Variants in SIPA1L1 observed in about 807,000 individuals in gnomAD.
SIPA1L1 encodes the protein signal induced proliferation associated 1 like 1.
In SIPA1L1, 26 loss-of-function variants were observed where a neutral mutation model predicts 162.7. The ratio of observed to expected loss-of-function variants is 0.16; its 90% CI spans 0.12 to 0.22. The LOEUF is 0.22. Ranked by LOEUF, SIPA1L1 falls within the 10% of genes least tolerant of loss-of-function variation. The pLI, the probability that SIPA1L1 is intolerant of heterozygous loss-of-function variation, is 1.00. For missense variants in SIPA1L1, 1,874 were observed against 2,241.0 expected (o/e 0.84, Z 3.31); for synonymous variants, 829 against 837.4 (o/e 0.99, Z 0.17).
At chr14:71,573,015 A>T (rs1169294281) in intron 4 of SIPA1L1, among the ~76,000 whole-genome samples, 1 of 152,232 alleles carries the variant, frequency 6.6e-6, no homozygotes, top group Non-Finnish European at 1.5e-5. Flanking sequence ...TTACTACGTA[A>T]GATTGACAAA....
chr14:71,685,224 C>T, intron 12 of SIPA1L1, 138 bp from the exon 13 acceptor site: 1 of 927,798 alleles, frequency 1.1e-6, no homozygotes. Context: ...AGTACTAGGG[C>T]CCAAAGATTG....
intron 2 of SIPA1L1, among the ~76,000 whole-genome samples, chr14:71,435,344 G>A (rs2044293474): frequency 1.3e-5 from 2 of 152,028 alleles, no homozygotes; most frequent in East Asian, 3.9e-4. Context: ...CCCCACGACA[G>A]GCCCCGGTGT....
At chr14:71,572,410 A>C (rs2032251508) in intron 4 of SIPA1L1, among the ~76,000 whole-genome samples, 1 of 152,226 alleles carries the variant, frequency 6.6e-6, no homozygotes, top group Non-Finnish European at 1.5e-5. Context: ...GCTAAGACTC[A>C]AAGCTTTTAC....
intron 2 of SIPA1L1, among the ~76,000 whole-genome samples, chr14:71,495,952 C>T (rs1294564886): frequency 2.8e-5 from 4 of 145,236 alleles, no homozygotes; most frequent in Non-Finnish European, 6.0e-5. Flanking sequence ...GGTTTAATGG[C>T]ATGTGCCTGT....
chr14:71,400,640 CATATATAT>C (rs1473614595), intron 2 of SIPA1L1, among the ~76,000 whole-genome samples: 4 of 150,568 alleles, frequency 2.7e-5, no homozygotes, highest in Admixed American at 6.7e-5. Flanking sequence ...TACATATATA[CATATATAT>C]GTTAATATGT....
intron 4 of SIPA1L1, among the ~76,000 whole-genome samples, chr14:71,565,510 T>C (rs1019563241): frequency 1.3e-5 from 2 of 152,212 alleles, no homozygotes; most frequent in Non-Finnish European, 2.9e-5. Context: ...AAGTATAATA[T>C]CTTTTCCACA....
rs1487419739 is a variant in SIPA1L1, at chr14:71,705,146, C to T, written c.3647-76C>T. The T allele has an allele frequency of 2.9e-6, 3 of 1,029,568 alleles. No homozygotes were observed. In the African/African-American group the frequency reaches 4.7e-5, roughly 16 times the overall value. 63.8% of individuals were successfully genotyped at this position (1,029,568 alleles called of 1,614,324 possible). A position where few individuals can be genotyped will look rare whatever the true frequency, so the allele number is the denominator to read the frequency against. ...GTCAGTGAACTGAAAGATGCAATGG[C>T]AAGCCATCTTCATTTGTCACCATGT... On this transcript the variant is annotated intron_variant, in intron 15 of 23. Coordinates refer to ENST00000381232, the MANE Select transcript of SIPA1L1 (RefSeq NM_001386936.1).
chr14:71,528,423 G>T (rs2053106376), intron 3 of SIPA1L1, among the ~76,000 whole-genome samples: 1 of 152,124 alleles, frequency 6.6e-6, no homozygotes, highest in African/African-American at 2.4e-5. Context: ...GGGAGGCCGA[G>T]GCAGGTGGAT....
At chr14:71,641,049 A>G (rs927992840) in intron 7 of SIPA1L1, among the ~76,000 whole-genome samples, 3 of 152,230 alleles carry the variant, frequency 2.0e-5, no homozygotes, top group Non-Finnish European at 4.4e-5. Flanking sequence ...GAAAAATTTT[A>G]ACTAAAGAAC....
intron 2 of SIPA1L1, among the ~76,000 whole-genome samples, chr14:71,343,741 G>GTGGGGGAC (rs1198558591): frequency 3.9e-5 from 6 of 152,228 alleles, no homozygotes; most frequent in African/African-American, 1.2e-4. Context: ...TTCTGCTGTT[G>GTGGGGGAC]TGGGGGACCA....
intron 2 of SIPA1L1, among the ~76,000 whole-genome samples, chr14:71,463,546 C>T (rs2046768133): frequency 6.6e-6 from 1 of 152,148 alleles, no homozygotes; most frequent in African/African-American, 2.4e-5. Context: ...GCACAGTTAC[C>T]CTGGTAAAAG....
intron 12 of SIPA1L1, among the ~76,000 whole-genome samples, chr14:71,674,982 C>G (rs2044981186): frequency 6.6e-6 from 1 of 152,202 alleles, no homozygotes; most frequent in African/African-American, 2.4e-5. Flanking sequence ...GTGCTTAGAG[C>G]ACAGATCCTT....
At chr14:71,361,246 G>A (rs1038012054) in intron 2 of SIPA1L1, among the ~76,000 whole-genome samples, 1 of 152,134 alleles carries the variant, frequency 6.6e-6, no homozygotes, top group Non-Finnish European at 1.5e-5. Context: ...TAAGAAAGCA[G>A]GTGTACTATT....
At position 71,468,005 on chromosome 14, in the gene SIPA1L1, GGTGTGTGTGT is replaced by G. The variant is rs56265408; in HGVS notation, c.-464-44705_-464-44696del. On this transcript the variant is annotated intron_variant, in intron 2 of 23. Transcript: ENST00000381232. ...CATAAAGGGGAAAAGCAGTTAGAGG[GGTGTGTGTGT>G]GTGTGTGTGTGTGTGTGTGTGTGTG... is the stretch of plus-strand genomic sequence containing the variant. Among the ~76,000 whole-genome samples, 103 of 141,706 alleles carry G rather than the reference GGTGTGTGTGT, an allele frequency of 7.3e-4. 1 individual carries two copies. The highest frequency in any genetic ancestry group is 1.4e-3 in the South Asian group (6 of 4,348). 93.0% of individuals were successfully genotyped at this position (141,706 alleles called of 152,430 possible). A position where few individuals can be genotyped will look rare whatever the true frequency, so the allele number is the denominator to read the frequency against.
At chr14:71,479,336 G>GTATGTATGTAT (rs2048143546) in intron 2 of SIPA1L1, among the ~76,000 whole-genome samples, 5 of 148,218 alleles carry the variant, frequency 3.4e-5, no homozygotes, top group Non-Finnish European at 7.4e-5. Context: ...TGTGTATGTA[G>GTATGTATGTAT]GTATGTATGT....
At chr14:71,398,360 G>T (rs1046926989) in intron 2 of SIPA1L1, 20 of 152,134 alleles carry the variant, frequency 1.3e-4, no homozygotes, top group African/African-American at 4.6e-4. Flanking sequence ...AATATTTTTT[G>T]TCAACAGCGG....
rs982219347 is a variant in SIPA1L1, at chr14:71,543,896, G to A, written c.-303+14526G>A. Among the ~76,000 whole-genome samples the A allele has an allele frequency of 8.1e-5, 9 of 111,732 alleles. No individual in the cohort carries two copies. The East Asian group carries it at 2.4e-3, about 30-fold the overall frequency. 73.3% of individuals were successfully genotyped at this position (111,732 alleles called of 152,430 possible). The stretch of plus-strand genomic sequence containing the variant: ...ATGTGTATATATACATATATCATAC[G>A]TATATGTGTGTATATATACATATAT... On this transcript the variant is annotated intron_variant, in intron 4 of 23. Transcript: ENST00000381232.
chr14:71,378,191 A>AT (rs1294501347), intron 2 of SIPA1L1, among the ~76,000 whole-genome samples: 1 of 150,024 alleles, frequency 6.7e-6, no homozygotes, highest in African/African-American at 2.5e-5. Flanking sequence ...GGCTGTGTTA[A>AT]TTTTTTCTGT....
chr14:71,525,275 T>G (rs745901048), intron 3 of SIPA1L1, among the ~76,000 whole-genome samples: 10 of 151,682 alleles, frequency 6.6e-5, no homozygotes, highest in Non-Finnish European at 1.5e-4. Context: ...CCCCACCTCC[T>G]GGGTTCAAGC....
Sources: allele counts gnomAD v4.1 joint callset (sites outside exome capture counted in the v4.1 genomes callset), GRCh38; gene constraint gnomAD v4.1.1; transcripts MANE v1.5; gene names NCBI Gene and HGNC (gene_info 2026-07-23, HGNC 2026-07-21).